Variants in ADGRF5 observed in about 807,000 individuals in gnomAD.
The protein encoded by ADGRF5 is adhesion G protein-coupled receptor F5, also known as G-protein coupled receptor 116.
A neutral mutation model predicts 132.3 loss-of-function variants in ADGRF5; 75 were observed. The observed-to-expected ratio is 0.57, with a 90% confidence interval of 0.47 to 0.69. The LOEUF (loss-of-function observed/expected upper bound fraction) is 0.69, where lower values mean the gene tolerates loss of function less well. ADGRF5 is among the 30% of genes least tolerant of loss of function. The pLI is 0.00. For synonymous variants in ADGRF5, 629 were observed against 597.6 expected, an observed-to-expected ratio of 1.05 and a Z score of -0.77; for missense variants, 1,516 against 1,630.6, an observed-to-expected ratio of 0.93 and a Z score of 1.21.
intron 1 of ADGRF5, among the ~76,000 whole-genome samples, chr6:46,914,145 T>A (rs1776224797): frequency 6.6e-6 from 1 of 152,196 alleles, no homozygotes; most frequent in African/African-American, 2.4e-5. Flanking sequence ...AGGAGGACTA[T>A]CATTGCAAAT....
At chr6:46,862,559 A>C (rs1362538157) in intron 15 of ADGRF5, among the ~76,000 whole-genome samples, 3 of 152,084 alleles carry the variant, frequency 2.0e-5, no homozygotes, top group African/African-American at 7.2e-5. Flanking sequence ...TATCAAAATT[A>C]CTCAAAGGAG....
At chr6:46,946,030 A>G (rs1488339135) in intron 1 of ADGRF5, among the ~76,000 whole-genome samples, 1 of 152,222 alleles carries the variant, frequency 6.6e-6, no homozygotes, top group African/African-American at 2.4e-5. Flanking sequence ...TTACAGCTCA[A>G]GGTGAGATTT....
chr6:46,861,583 G>A (rs1268948189), intron 15 of ADGRF5, among the ~76,000 whole-genome samples: 4 of 152,196 alleles, frequency 2.6e-5, no homozygotes, highest in Non-Finnish European at 4.4e-5. Context: ...GGCATCTCCA[G>A]TAGTGTCATC....
intron 1 of ADGRF5, chr6:46,909,124 TG>T (rs1775683802): frequency 6.6e-6 from 1 of 152,010 alleles, no homozygotes; most frequent in South Asian, 2.1e-4. Context: ...TTGGCCAATG[TG>T]GGGGAAAAGT....
chr6:46,889,110 C>A (rs1351369567), intron 3 of ADGRF5, among the ~76,000 whole-genome samples: 1 of 150,916 alleles, frequency 6.6e-6, no homozygotes, highest in Non-Finnish European at 1.5e-5. Flanking sequence ...GGCTTGCATT[C>A]AAGATGGATC....
intron 20 of ADGRF5, among the ~76,000 whole-genome samples, chr6:46,855,082 C>T (rs551213575): frequency 1.3e-5 from 2 of 152,306 alleles, no homozygotes; most frequent in South Asian, 4.2e-4. Flanking sequence ...GGGATGATGG[C>T]ATGGGGACAG....
Position 46,871,854 on chromosome 6 carries a change from A to C in ADGRF5, c.1400T>G (p.Phe467Cys). 1 of 1,597,108 alleles carries C rather than the reference A, an allele frequency of 6.3e-7. No homozygotes were observed. Among genetic ancestry groups the C allele is most frequent in the Non-Finnish European group, 8.6e-7 (1 of 1,166,894 alleles). ...ARGSANIKVT[F>C]ISVANLTITP... The stretch of plus-strand genomic sequence containing the variant: ...GGGAGAGTCCTTACCCACAGAGATG[A>C]ATGTCACTTTTATGTTTGCACTGCC... The change falls in exon 11 of 21, where the codon TTC (phenylalanine) becomes TGC (cysteine). Residue 467 changes from phenylalanine (F) to cysteine (C), a missense_variant. By Grantham distance (205) the Phe-to-Cys change is radical. Around this residue, in one of 2 missense-constraint regions of ADGRF5, gnomAD observed 945 missense variants for 929.4 expected, o/e 1.02. Coordinates refer to ENST00000283296, the MANE Select transcript of ADGRF5 (RefSeq NM_001098518.2).
At chr6:46,933,507 A>C (rs1379354970) in intron 1 of ADGRF5, among the ~76,000 whole-genome samples, 1 of 152,186 alleles carries the variant, frequency 6.6e-6, no homozygotes, top group African/African-American at 2.4e-5. Flanking sequence ...CCACAATGGC[A>C]AACCCAGAGA....
rs370638242 is a variant in ADGRF5, at chr6:46,858,113, G to T, written c.3774+16C>A. 2.5e-6 allele frequency: 4 copies of T among 1,581,650 alleles called. No homozygotes were observed. Among genetic ancestry groups the T allele is most frequent in the East Asian group, 2.2e-5 (1 of 44,470 alleles). On this transcript the variant is annotated intron_variant, in intron 17 of 20. Coordinates refer to ENST00000283296, the MANE Select transcript of ADGRF5 (RefSeq NM_001098518.2). ...GGAATAAAATCTTCCTGAAAGCTCCGCACTGTAAAACTCACCTGGAAGACA... is the reference window on the plus strand; with the variant it reads ...GGAATAAAATCTTCCTGAAAGCTCCTCACTGTAAAACTCACCTGGAAGACA...
At chr6:46,897,079 T>TAC (rs151074761) in intron 3 of ADGRF5, among the ~76,000 whole-genome samples, 2,360 of 148,960 alleles carry the variant, frequency 0.016, 39 homozygotes, top group African/African-American at 0.039. Context: ...GACAACAGTA[T>TAC]ACACACACAC....
At chr6:46,888,727 C>T (rs192699421) in intron 3 of ADGRF5, among the ~76,000 whole-genome samples, 58 of 152,256 alleles carry the variant, frequency 3.8e-4, no homozygotes, top group Non-Finnish European at 7.6e-4. Flanking sequence ...TGGAATGTAA[C>T]GAGGCAAGAG....
chr6:46,951,201 C>G (rs536397149), intron 1 of ADGRF5, among the ~76,000 whole-genome samples: 1 of 152,246 alleles, frequency 6.6e-6, no homozygotes, highest in Non-Finnish European at 1.5e-5. Flanking sequence ...CAGCTGTAGA[C>G]AAGGTGGGCA....
At chr6:46,914,119 G>A (rs1776221803) in intron 1 of ADGRF5, among the ~76,000 whole-genome samples, 1 of 152,152 alleles carries the variant, frequency 6.6e-6, no homozygotes. Flanking sequence ...GATGATAGAT[G>A]GCAATGCCAA....
chr6:46,894,467 T>C (rs529045468), intron 3 of ADGRF5, among the ~76,000 whole-genome samples: 9 of 152,146 alleles, frequency 5.9e-5, no homozygotes, highest in Admixed American at 3.9e-4. Flanking sequence ...TAGATAGCCA[T>C]ATACCCAAAT....
chr6:46,876,700 T>C (rs1240452782), intron 10 of ADGRF5, among the ~76,000 whole-genome samples: 1 of 152,050 alleles, frequency 6.6e-6, no homozygotes, highest in East Asian at 1.9e-4. Flanking sequence ...GCCTCTCGGG[T>C]TCAAGTGATT....
rs545740049 is a variant in ADGRF5 at position 46,852,663 on chromosome 6, CACAA to C, written c.*1325_*1328del. 1.8e-3 allele frequency: 272 copies of C among 150,990 alleles called. No individual in the cohort carries two copies. Among genetic ancestry groups the C allele is most frequent in the African/African-American group, 6.0e-3 (244 of 40,358 alleles). 9.4% of individuals were successfully genotyped at this position (150,990 alleles called of 1,614,324 possible). A position where few individuals can be genotyped will look rare whatever the true frequency, so the allele number is the denominator to read the frequency against. ...AAAAAAAGCACACATGCAGATAATT[CACAA>C]ACAATCAAATCCTTGGGAAAGGCTC... is the stretch of plus-strand genomic sequence containing the variant. On this transcript the variant is annotated 3_prime_UTR_variant, in exon 21 of 21. Transcript: ENST00000283296.
At position 46,878,266 on chromosome 6, in the gene ADGRF5, G is replaced by C. The variant is rs1184450899; in HGVS notation, c.1176C>G (p.Cys392Trp). The C allele has an allele frequency of 6.2e-7, 1 of 1,613,616 alleles. No individual in the cohort carries two copies. Among genetic ancestry groups the C allele is most frequent in the East Asian group, 2.2e-5 (1 of 44,870 alleles). ...TGCTCCAATTAACATTACCCTGACT[G>C]CAGCAGTTCAAAGATACAGGATTGT... ...CDNNPVSLNC[C>W]SQGNVNWSKV... The change falls in exon 10 of 21, where the codon TGC becomes TGG. Residue 392 changes from cysteine (C) to tryptophan (W), a missense_variant. Physicochemically the swap from Cys to Trp is radical, Grantham distance 215. Transcript: ENST00000283296.
intron 1 of ADGRF5, among the ~76,000 whole-genome samples, chr6:46,948,821 C>T (rs896542601): frequency 3.9e-5 from 6 of 152,176 alleles, no homozygotes; most frequent in Non-Finnish European, 8.8e-5. Flanking sequence ...CTCAAGACCA[C>T]ATTGATCCAA....
At chr6:46,888,135 A>T in intron 4 of ADGRF5, 200 bp downstream of exon 4, 1 of 512,270 alleles carries the variant, frequency 2.0e-6, no homozygotes, top group South Asian at 2.8e-5. Flanking sequence ...TCACCATTTA[A>T]AATAAGAAAC....
Sources: gnomAD v4.1 joint callset for allele counts (sites outside exome capture counted in the v4.1 genomes callset) on GRCh38, gnomAD v4.1.1 for gene constraint, gnomAD v4.1.1 regional missense constraint, MANE v1.5 for transcripts, NCBI Gene and HGNC (gene_info 2026-07-23, HGNC 2026-07-21) for gene names.